The following FRMD4B variants were observed in gnomAD, a reference collection of about 807,000 sequenced individuals.
FRMD4B encodes the protein FERM domain containing 4B.
Under a neutral mutation model 141.5 loss-of-function variants are expected in FRMD4B, and 74 were observed. The observed-to-expected ratio is 0.52, with a 90% CI of 0.43 to 0.63. The LOEUF (loss-of-function observed/expected upper bound fraction) is 0.63, where lower values mean the gene tolerates loss of function less well. Ranked by LOEUF, FRMD4B falls within the 30% of genes least tolerant of loss-of-function variation. FRMD4B has a pLI of 0.00. For synonymous variants in FRMD4B, 506 were observed against 467.9 expected (o/e 1.08, Z -1.05); for missense variants, 1,366 against 1,253.4 (o/e 1.09, Z -1.36).
chr3:69,507,279 T>C (rs958007103), intron 1 of FRMD4B, among the ~76,000 whole-genome samples: 8 of 152,200 alleles, frequency 5.3e-5, no homozygotes, highest in African/African-American at 1.9e-4. Flanking sequence ...TCTTCAACCT[T>C]TGCCTCTAAA....
chr3:69,322,901 T>A lies in FRMD4B; in HGVS notation c.163-9384A>T, dbSNP rs139290111. ...TGGGCATGAGATTTCTGTTTAGATT[T>A]CATAGATGACCAAACTGAAGTGCAC... On this transcript the variant is annotated intron_variant, in intron 1 of 22. Transcript: ENST00000398540. The A allele has an allele frequency of 2.0e-5, 5 of 249,580 alleles. No homozygotes were observed. In the East Asian group the frequency reaches 9.0e-4, roughly 45 times the overall value. 15.5% of individuals were successfully genotyped at this position (249,580 alleles called of 1,614,324 possible).
At chr3:69,344,482 T>C (rs944283816) in intron 1 of FRMD4B, among the ~76,000 whole-genome samples, 1 of 152,246 alleles carries the variant, frequency 6.6e-6, no homozygotes, top group Non-Finnish European at 1.5e-5. Flanking sequence ...AGAGCATTTC[T>C]AAGCTGAAAA....
chr3:69,271,544 A>C (rs992064974), intron 5 of FRMD4B, among the ~76,000 whole-genome samples: 6 of 152,022 alleles, frequency 3.9e-5, no homozygotes, highest in African/African-American at 1.2e-4. Flanking sequence ...TGATTTTCAC[A>C]AATGCACAAG....
chr3:69,344,464 A>G (rs1466456538), intron 1 of FRMD4B, among the ~76,000 whole-genome samples: 1 of 152,242 alleles, frequency 6.6e-6, no homozygotes, highest in Non-Finnish European at 1.5e-5. Context: ...CAAATAATTA[A>G]GAGTTACAGA....
At chr3:69,195,781 G>A (rs2092897820) in intron 14 of FRMD4B, among the ~76,000 whole-genome samples, 1 of 152,232 alleles carries the variant, frequency 6.6e-6, no homozygotes, top group Non-Finnish European at 1.5e-5. Context: ...CAAGTTGACA[G>A]TGAGATTTAG....
At chr3:69,366,714 C>CT (rs1348055835) in intron 1 of FRMD4B, among the ~76,000 whole-genome samples, 1 of 102,860 alleles carries the variant, frequency 9.7e-6, no homozygotes, top group Admixed American at 9.3e-5. Context: ...CAAACACGAC[C>CT]TTTTTTTTCA....
At chr3:69,211,430 G>C (rs1488054259) in intron 11 of FRMD4B, among the ~76,000 whole-genome samples, 1 of 152,104 alleles carries the variant, frequency 6.6e-6, no homozygotes, top group Non-Finnish European at 1.5e-5. Flanking sequence ...GCAAAAAAAA[G>C]CCATATAAAT....
chr3:69,411,820 C>A (rs1485317800), intron 2 of FRMD4B, among the ~76,000 whole-genome samples: 1 of 152,096 alleles, frequency 6.6e-6, no homozygotes. Context: ...GGAAGATTTC[C>A]GAGGTCCTTG....
At chr3:69,484,503 G>C (rs1706181712) in intron 1 of FRMD4B, among the ~76,000 whole-genome samples, 1 of 152,126 alleles carries the variant, frequency 6.6e-6, no homozygotes, top group South Asian at 2.1e-4. Flanking sequence ...AGATGAAGAG[G>C]AGATTTATTA....
At chr3:69,518,251 T>A (rs1160657801) in intron 1 of FRMD4B, among the ~76,000 whole-genome samples, 2 of 152,190 alleles carry the variant, frequency 1.3e-5, no homozygotes, top group Admixed American at 6.5e-5. Context: ...AATGCTTTAA[T>A]AAAAATGATC....
At chr3:69,528,726 G>T (rs1445368367) in intron 1 of FRMD4B, among the ~76,000 whole-genome samples, 1 of 151,798 alleles carries the variant, frequency 6.6e-6, no homozygotes, top group Non-Finnish European at 1.5e-5. Context: ...TCAAGTGTAA[G>T]GTATTTATCT....
intron 1 of FRMD4B, among the ~76,000 whole-genome samples, chr3:69,475,116 T>C (rs554941493): frequency 6.6e-6 from 1 of 152,274 alleles, no homozygotes; most frequent in South Asian, 2.1e-4. Context: ...GGTTATTACT[T>C]ACCTCACTAG....
At chr3:69,263,519 A>T (rs2106872653) in intron 5 of FRMD4B, among the ~76,000 whole-genome samples, 1 of 142,774 alleles carries the variant, frequency 7.0e-6, no homozygotes, top group African/African-American at 2.6e-5. Context: ...TGATCTTCCC[A>T]CCTCAGTCTT....
chr3:69,380,444 T>C (rs770760352), intron 1 of FRMD4B, among the ~76,000 whole-genome samples: 9 of 152,198 alleles, frequency 5.9e-5, no homozygotes, highest in Non-Finnish European at 1.3e-4. Flanking sequence ...TTAAATCCTT[T>C]ACATAAACCA....
intron 1 of FRMD4B, among the ~76,000 whole-genome samples, chr3:69,485,333 A>G (rs1706197039): frequency 6.6e-6 from 1 of 152,240 alleles, no homozygotes; most frequent in Admixed American, 6.5e-5. Flanking sequence ...AGGCCCCCTA[A>G]GAGTGCAGGG....
At chr3:69,393,124 T>C (rs1482051543) in intron 2 of FRMD4B, among the ~76,000 whole-genome samples, 3 of 152,128 alleles carry the variant, frequency 2.0e-5, no homozygotes, top group Admixed American at 6.5e-5. Flanking sequence ...CTAAAAATCG[T>C]AGTAGCTAAA....
At chr3:69,425,272 T>C (rs1449270571) in intron 2 of FRMD4B, among the ~76,000 whole-genome samples, 1 of 152,164 alleles carries the variant, frequency 6.6e-6, no homozygotes, top group Non-Finnish European at 1.5e-5. Flanking sequence ...ATCAATTCTA[T>C]TGCCATAAGA....
rs200885974 is a variant in FRMD4B, at chr3:69,210,220, G to A, written c.876+6043C>T. 2.9e-4 allele frequency among the ~76,000 whole-genome samples: 44 copies of A among 152,282 alleles called. No individual in the cohort carries two copies. The East Asian group carries it at 3.1e-3, about 11-fold the overall frequency. ...CATTTTGTCCCACTATGGACACCTC[G>A]ACAGTATGTCATTTTATCTCTGCCA... On this transcript the variant is annotated intron_variant, in intron 11 of 22. Coordinates refer to ENST00000398540, the MANE Select transcript of FRMD4B (RefSeq NM_015123.3).
intron 5 of FRMD4B, among the ~76,000 whole-genome samples, chr3:69,251,603 G>A (rs754468858): frequency 3.9e-5 from 6 of 152,176 alleles, no homozygotes; most frequent in South Asian, 2.1e-4. Context: ...CACACAGGCC[G>A]CCCTTCTGAA....
Sources: gnomAD v4.1 joint callset for allele counts (sites outside exome capture counted in the v4.1 genomes callset) on GRCh38, gnomAD v4.1.1 for gene constraint, MANE v1.5 for transcripts, NCBI Gene and HGNC (gene_info 2026-07-23, HGNC 2026-07-21) for gene names.